Variants in VTI1A observed in about 807,000 individuals in gnomAD.
VTI1A encodes vesicle transport through interaction with t-SNAREs 1A, also known as vesicle transport through interaction with t-SNAREs homolog 1A.
In VTI1A, 22 loss-of-function variants were observed where a neutral mutation model predicts 34.9. The ratio of observed to expected loss-of-function variants is 0.63; its 90% CI spans 0.45 to 0.90. The LOEUF (loss-of-function observed/expected upper bound fraction) is 0.90, where lower values mean the gene tolerates loss of function less well. Among genes scored for constraint, VTI1A ranks in the 40% least tolerant of loss-of-function variants. The pLI is 0.00. For missense variants in VTI1A, 268 were observed against 275.6 expected (o/e 0.97, Z 0.20); for synonymous variants, 87 against 97.3 (o/e 0.89, Z 0.62).
At chr10:112,799,536 T>C (rs867317435) in intron 7 of VTI1A, among the ~76,000 whole-genome samples, 14 of 152,282 alleles carry the variant, frequency 9.2e-5, no homozygotes, top group Middle Eastern at 6.8e-3. Context: ...CCCTGATGCC[T>C]ACAGCCTGCA....
intron 5 of VTI1A, among the ~76,000 whole-genome samples, chr10:112,618,356 C>T (rs1845581100): frequency 6.7e-6 from 1 of 150,362 alleles, no homozygotes; most frequent in Admixed American, 6.7e-5. Flanking sequence ...AAAATTAGCC[C>T]CTACCTCATC....
chr10:112,612,195 A>G (rs1330186702), intron 5 of VTI1A, among the ~76,000 whole-genome samples: 3 of 152,168 alleles, frequency 2.0e-5, no homozygotes, highest in South Asian at 2.1e-4. Context: ...CTCATTTTCT[A>G]TTATCAATCG....
At chr10:112,661,396 A>G (rs779946563) in intron 5 of VTI1A, among the ~76,000 whole-genome samples, 1 of 152,212 alleles carries the variant, frequency 6.6e-6, no homozygotes, top group Non-Finnish European at 1.5e-5. Flanking sequence ...GATTACAGGC[A>G]TGAGCCACGC....
chr10:112,572,666 G>A (rs1405481370), intron 5 of VTI1A, among the ~76,000 whole-genome samples: 1 of 151,986 alleles, frequency 6.6e-6, no homozygotes, highest in Non-Finnish European at 1.5e-5. Flanking sequence ...GTGAAACCCC[G>A]TCTCTACTAA....
At chr10:112,728,702 G>T (rs1158495485) in intron 7 of VTI1A, among the ~76,000 whole-genome samples, 4 of 152,148 alleles carry the variant, frequency 2.6e-5, no homozygotes, top group Middle Eastern at 3.2e-3. Context: ...TAGGGGCTCA[G>T]GCTACCCCTA....
At chr10:112,763,907 C>G (rs1319706456) in intron 7 of VTI1A, among the ~76,000 whole-genome samples, 1 of 152,212 alleles carries the variant, frequency 6.6e-6, no homozygotes, top group Non-Finnish European at 1.5e-5. Context: ...ACAAACATCA[C>G]CTGATCTCAA....
chr10:112,828,509 A>C, the VTI1A span, among the ~76,000 whole-genome samples: 12 of 151,930 alleles, frequency 7.9e-5, no homozygotes, highest in Admixed American at 3.9e-4. Flanking sequence ...GGGTTCACGC[A>C]ATTCTCCTGC....
chr10:112,562,682 T>C (rs761825783), intron 5 of VTI1A, among the ~76,000 whole-genome samples: 1 of 151,900 alleles, frequency 6.6e-6, no homozygotes, highest in African/African-American at 2.4e-5. Flanking sequence ...TAAAACACAA[T>C]CATCTTCCTA....
At chr10:112,559,012 G>A (rs1201871009) in intron 5 of VTI1A, among the ~76,000 whole-genome samples, 3 of 152,174 alleles carry the variant, frequency 2.0e-5, no homozygotes, top group Admixed American at 6.5e-5. Flanking sequence ...GCCTACCAGG[G>A]CTTTGAATCT....
At chr10:112,547,281 C>A (rs538971746) in intron 5 of VTI1A, among the ~76,000 whole-genome samples, 1 of 151,850 alleles carries the variant, frequency 6.6e-6, no homozygotes, top group Middle Eastern at 3.4e-3. Flanking sequence ...GAGCCCTTGT[C>A]TCAAAAAATA....
At chr10:112,484,296 G>A (rs1417661042) in intron 3 of VTI1A, among the ~76,000 whole-genome samples, 1 of 152,232 alleles carries the variant, frequency 6.6e-6, no homozygotes, top group African/African-American at 2.4e-5. Context: ...TAATGATGCT[G>A]AAAATTTGAA....
chr10:112,545,227 C>T (rs564109942), intron 5 of VTI1A, among the ~76,000 whole-genome samples: 2 of 152,232 alleles, frequency 1.3e-5, no homozygotes, highest in South Asian at 2.1e-4. Flanking sequence ...CGTGTGTTTC[C>T]AAAGATTCTT....
At chr10:112,719,580 C>G (rs372654404) in intron 7 of VTI1A, among the ~76,000 whole-genome samples, 2 of 150,516 alleles carry the variant, frequency 1.3e-5, no homozygotes, top group East Asian at 3.9e-4. Context: ...GAGATTTGCT[C>G]TTGTTGCCCA....
intron 7 of VTI1A, among the ~76,000 whole-genome samples, chr10:112,728,776 G>A (rs1850139799): frequency 6.6e-6 from 1 of 152,148 alleles, no homozygotes; most frequent in African/African-American, 2.4e-5. Flanking sequence ...CCTGTATGGA[G>A]TTTTATGGTT....
intron 7 of VTI1A, among the ~76,000 whole-genome samples, chr10:112,794,586 A>T (rs1267912561): frequency 2.0e-5 from 3 of 152,052 alleles, no homozygotes; most frequent in Non-Finnish European, 4.4e-5. Context: ...AATAAATAAA[A>T]AATTAAAATT....
At chr10:112,500,384 G>A (rs572464361) in intron 3 of VTI1A, among the ~76,000 whole-genome samples, 13 of 151,256 alleles carry the variant, frequency 8.6e-5, no homozygotes, top group African/African-American at 2.7e-4. Context: ...GCAGTCAGCC[G>A]AGATCGCACC....
the VTI1A span, chr10:112,827,577 A>G: frequency 6.6e-6 from 1 of 151,454 alleles, no homozygotes; most frequent in African/African-American, 2.4e-5. Flanking sequence ...AAATCTATTT[A>G]TTTGCTTTAT....
At chr10:112,787,135 G>A (rs1852312221) in intron 7 of VTI1A, among the ~76,000 whole-genome samples, 2 of 152,126 alleles carry the variant, frequency 1.3e-5, no homozygotes, top group African/African-American at 4.8e-5. Flanking sequence ...TTTTGGTAAT[G>A]TGTATATTTC....
intron 5 of VTI1A, among the ~76,000 whole-genome samples, chr10:112,641,259 T>G (rs1590013156): frequency 1.3e-5 from 2 of 152,248 alleles, no homozygotes; most frequent in East Asian, 3.9e-4. Context: ...CCAGTCCTCC[T>G]GCAGGCCCCA....
Sources: allele counts gnomAD v4.1 joint callset (sites outside exome capture counted in the v4.1 genomes callset), GRCh38; gene constraint gnomAD v4.1.1; transcripts MANE v1.5; gene names NCBI Gene and HGNC (gene_info 2026-07-23, HGNC 2026-07-21).